The following PIK3C2A variants were observed in gnomAD, a reference collection of about 807,000 sequenced individuals.
PIK3C2A encodes the protein phosphatidylinositol 4-phosphate 3-kinase C2 domain-containing subunit alpha.
Under a neutral mutation model 204.5 loss-of-function variants are expected in PIK3C2A, and 97 were observed. The ratio of observed to expected loss-of-function variants is 0.47; its 90% CI spans 0.40 to 0.56. The LOEUF is 0.56. PIK3C2A is among the 20% of genes least tolerant of loss of function. The pLI is 0.00. For missense variants in PIK3C2A, 1,735 were observed against 1,969.2 expected (o/e 0.88, Z 2.25); for synonymous variants, 653 against 664.4 (o/e 0.98, Z 0.26).
At chr11:17,186,317 A>G (rs1042328668) in intron 1 of PIK3C2A, among the ~76,000 whole-genome samples, 1 of 152,010 alleles carries the variant, frequency 6.6e-6, no homozygotes, top group Non-Finnish European at 1.5e-5. Flanking sequence ...ACCATCTAGT[A>G]TACTATATAT....
intron 1 of PIK3C2A, among the ~76,000 whole-genome samples, chr11:17,191,159 T>G (rs1457949680): frequency 6.6e-6 from 1 of 152,092 alleles, no homozygotes; most frequent in East Asian, 1.9e-4. Context: ...TGGAGGTAAG[T>G]TTTAATTTTA....
At chr11:17,114,487 T>C (rs1565250419) in intron 19 of PIK3C2A, 22 bp from the exon 20 acceptor site, 5 of 998,316 alleles carry the variant, frequency 5.0e-6, no homozygotes, top group Non-Finnish European at 1.6e-6. Flanking sequence ...GATGTGATAC[T>C]GTAAGTACAT....
chr11:17,189,435 T>A (rs796147873), intron 1 of PIK3C2A, among the ~76,000 whole-genome samples: 1 of 145,626 alleles, frequency 6.9e-6, no homozygotes, highest in Non-Finnish European at 1.5e-5. Flanking sequence ...GCCAAGATGG[T>A]GAAACCCCAT....
At chr11:17,153,051 G>A (rs562984272) in intron 3 of PIK3C2A, among the ~76,000 whole-genome samples, 22 of 152,046 alleles carry the variant, frequency 1.4e-4, no homozygotes, top group Non-Finnish European at 2.9e-4. Flanking sequence ...TATTCAGAAA[G>A]ACAGGTGTAG....
chr11:17,091,046 C>T (rs1848296316), intron 32 of PIK3C2A, among the ~76,000 whole-genome samples: 1 of 151,928 alleles, frequency 6.6e-6, no homozygotes, highest in South Asian at 2.1e-4. Context: ...TGCGCCTGGC[C>T]TTAAAATGTT....
chr11:17,092,616 G>A (rs1370775580), intron 28 of PIK3C2A, among the ~76,000 whole-genome samples: 3 of 152,148 alleles, frequency 2.0e-5, no homozygotes, highest in Non-Finnish European at 4.4e-5. Flanking sequence ...AAGTTGCAGT[G>A]AGCCGAGATC....
intron 1 of PIK3C2A, among the ~76,000 whole-genome samples, chr11:17,199,484 A>G (rs1852287245): frequency 6.6e-6 from 1 of 152,252 alleles, no homozygotes; most frequent in Non-Finnish European, 1.5e-5. Flanking sequence ...GAATTAATAT[A>G]CAAAATGTGG....
chr11:17,161,027 TAG>T (rs1375542746), intron 2 of PIK3C2A, among the ~76,000 whole-genome samples: 10 of 151,984 alleles, frequency 6.6e-5, no homozygotes, highest in Non-Finnish European at 1.3e-4. Context: ...AAAAAAATGG[TAG>T]AGAGTTGGCA....
chr11:17,116,690 C>T (rs967667493), intron 19 of PIK3C2A, among the ~76,000 whole-genome samples: 19 of 152,034 alleles, frequency 1.2e-4, no homozygotes, highest in African/African-American at 3.9e-4. Context: ...CCCGGGTTCA[C>T]GCCATTCTCC....
intron 8 of PIK3C2A, chr11:17,138,325 C>CTT: frequency 2.8e-4 from 98 of 350,436 alleles, no homozygotes; most frequent in East Asian, 8.9e-4. Context: ...AGCCAGCTTC[C>CTT]TTTTTTTTTT....
chr11:17,163,140 T>C (rs1360973398), intron 2 of PIK3C2A, among the ~76,000 whole-genome samples: 1 of 152,032 alleles, frequency 6.6e-6, no homozygotes, highest in Non-Finnish European at 1.5e-5. Flanking sequence ...ACCCCAACTC[T>C]ACTAAAAATA....
intron 18 of PIK3C2A, 38 bp downstream of exon 18, chr11:17,118,607 G>A (rs146759704): frequency 3.3e-6 from 3 of 900,790 alleles, no homozygotes; most frequent in Non-Finnish European, 5.5e-6. Flanking sequence ...TAAATTCTAG[G>A]AATGGAAATA....
In PIK3C2A at chr11:17,089,828, G is replaced by GA. The variant is rs1266637998; in HGVS notation, c.4970dup (p.Gly1660TrpfsTer17). 1 of 1,613,832 alleles carries GA rather than the reference G, an allele frequency of 6.2e-7. No individual in the cohort carries two copies. Among genetic ancestry groups the GA allele is most frequent in the African/African-American group, 1.3e-5 (1 of 75,028 alleles). ...TCAAAGGCAGGGTTACTCCACCCAAGAAAAAATTCTCCCGCAGAGATTCTG... is the reference window on the plus strand; with the variant it reads ...TCAAAGGCAGGGTTACTCCACCCAAGAAAAAAATTCTCCCGCAGAGATTCTG... On this transcript the variant is annotated frameshift_variant, in exon 33 of 33. Transcript: ENST00000691414. LOFTEE classifies it high-confidence loss of function.
intron 12 of PIK3C2A, 129 bp from the exon 13 acceptor site, chr11:17,129,596 A>G (rs1046992856): frequency 4.6e-6 from 3 of 658,114 alleles, no homozygotes; most frequent in Admixed American, 3.0e-5. Context: ...TGGTATTTTT[A>G]TTTTATTTTA....
chr11:17,126,580 T>C (rs759475945), intron 13 of PIK3C2A, among the ~76,000 whole-genome samples: 9 of 152,142 alleles, frequency 5.9e-5, no homozygotes, highest in Non-Finnish European at 1.2e-4. Context: ...TCAACTATAT[T>C]ATATACTGTT....
At position 17,168,851 on chromosome 11, in the gene PIK3C2A, A is replaced by G. The variant is rs1590987688; in HGVS notation, c.891T>C (p.Ser297=). The G allele has an allele frequency of 1.2e-6, 2 of 1,614,082 alleles. No homozygotes were observed. Among genetic ancestry groups the G allele is most frequent in the East Asian group, 4.5e-5 (2 of 44,872 alleles). The stretch of plus-strand genomic sequence containing the variant: ...CATCCCAAGGATCCTTTGCTAGCAA[A>G]CTTGAAACATTTTTCTCTTCCTCAT... ...LDHEEEKNVS[S]LLAKDPWDAV... is the part of the protein sequence containing the mutation. Residue 297 remains serine, a synonymous_variant, in exon 2 of 33, where the codon AGT becomes AGC. Coordinates refer to ENST00000691414, the MANE Select transcript of PIK3C2A (RefSeq NM_002645.4).
intron 1 of PIK3C2A, among the ~76,000 whole-genome samples, chr11:17,182,821 C>T (rs1851609784): frequency 6.6e-6 from 1 of 152,028 alleles, no homozygotes; most frequent in South Asian, 2.1e-4. Flanking sequence ...TTATGTAAAA[C>T]ATTCACTGCA....
intron 17 of PIK3C2A, 139 bp downstream of exon 17, chr11:17,119,081 T>G (rs1250235676): frequency 6.6e-6 from 4 of 610,082 alleles, no homozygotes; most frequent in Admixed American, 3.3e-5. Context: ...AAATTCACAC[T>G]AAATCCAAAT....
chr11:17,100,053 T>C, intron 25 of PIK3C2A, 84 bp from the exon 26 acceptor site: 1 of 708,894 alleles, frequency 1.4e-6, no homozygotes, highest in South Asian at 1.6e-5. Context: ...GCTCAAGTAA[T>C]CAGAACTAAA....
Sources: gnomAD v4.1 joint callset for allele counts (sites outside exome capture counted in the v4.1 genomes callset) on GRCh38, gnomAD v4.1.1 for gene constraint, MANE v1.5 for transcripts, NCBI Gene and HGNC (gene_info 2026-07-23, HGNC 2026-07-21) for gene names.